Variants in GOLGA6L22 observed in about 807,000 individuals in gnomAD.
GOLGA6L22 encodes golgin subfamily A member 6-like protein 22.
Under a neutral mutation model 77.1 loss-of-function variants are expected in GOLGA6L22, and 28 were observed. The ratio of observed to expected loss-of-function variants is 0.36; its 90% CI spans 0.27 to 0.50. The LOEUF is 0.50. Ranked by LOEUF, GOLGA6L22 falls within the 20% of genes least tolerant of loss-of-function variation. The probability of loss-of-function intolerance (pLI) is 0.97; values close to 1 mark genes in which losing one functional copy is unlikely to be tolerated. For synonymous variants in GOLGA6L22, 62 were observed against 185.3 expected, an observed-to-expected ratio of 0.33 and a Z score of 5.41; for missense variants, 250 against 620.4, an observed-to-expected ratio of 0.40 and a Z score of 6.34.
chr15:22,461,966 G>T (rs1328936964), intron 2 of GOLGA6L22, 68 bp from the exon 3 acceptor site: 1 of 1,417,382 alleles, frequency 7.1e-7, no homozygotes, highest in Non-Finnish European at 9.5e-7. Context: ...GTGCCATTCT[G>T]GGGGCATGTC....
exon 8 of GOLGA6L22, chr15:22,465,960 GGCAGGAGGAGAAGATACGGGA>G (rs1290406722): frequency 1.2e-6 from 1 of 847,604 alleles, no homozygotes; most frequent in East Asian, 6.9e-5. Flanking sequence ...AAGATGTGGA[GGCAGGAGGAGAAGATACGGGA>G]GCAGGAGGAG....
chr15:22,459,001 T>A, upstream of GOLGA6L22: 1 of 81,322 alleles, frequency 1.2e-5, no homozygotes, highest in East Asian at 1.1e-4. Context: ...ATCATGCTGA[T>A]GTGGCCCCAA....
Position 22,466,583 on chromosome 15 carries a change from C to T in GOLGA6L22, c.2191C>T (p.Arg731Trp), listed in dbSNP as rs535766695. ...GATGCAAGAACAGGAGGAGAAGATG[C>T]GGAGGCAGGAGGAGAAGATAAGGGA... Residue 731 changes from arginine (R) to tryptophan (W), a missense_variant, in exon 8 of 9, where the codon CGG (arginine) becomes TGG (tryptophan). Coordinates refer to ENST00000622895, the Ensembl canonical transcript of GOLGA6L22. The T allele has an allele frequency of 7.0e-5, 80 of 1,147,852 alleles. 2 individuals carry two copies. Among genetic ancestry groups the T allele is most frequent in the Middle Eastern group, 6.5e-4 (2 of 3,098 alleles). The allele number at this position is 1,147,852 out of a possible 1,614,324, so 71.1% of individuals were successfully genotyped here. A position where few individuals can be genotyped will look rare whatever the true frequency, so the allele number is the denominator to read the frequency against.
exon 8 of GOLGA6L22, chr15:22,466,141 G>T: frequency 1.1e-6 from 1 of 930,230 alleles, no homozygotes. Flanking sequence ...AGGAGGAGAA[G>T]ATACGAGAGC....
exon 8 of GOLGA6L22, chr15:22,465,898 G>C (rs1410678297): frequency 7.9e-7 from 1 of 1,267,364 alleles, no homozygotes; most frequent in Non-Finnish European, 1.1e-6. Flanking sequence ...AAGAGAAGAT[G>C]CATGAGCAGG....
chr15:22,466,475 A>T (rs1296906333), exon 8 of GOLGA6L22: 7 of 650,660 alleles, frequency 1.1e-5, no homozygotes, highest in African/African-American at 5.0e-5. Flanking sequence ...GGAGAAGAAG[A>T]TACGGGAGCA....
intron 8 of GOLGA6L22, 61 bp downstream of exon 8, chr15:22,466,886 G>A (rs1206781930): frequency 4.5e-6 from 2 of 447,764 alleles, no homozygotes; most frequent in Non-Finnish European, 7.5e-6. Context: ...CGAGCTCTTG[G>A]GGGGAGCAGG....
rs1887591079 is a variant in GOLGA6L22 at position 22,463,656 on chromosome 15, A to G, written c.433-185A>G. On this transcript the variant is annotated intron_variant, in intron 5 of 8. Coordinates refer to ENST00000622895, the Ensembl canonical transcript of GOLGA6L22. The stretch of plus-strand genomic sequence containing the variant: ...ACAAGAATGAAACTCTGCCAAAAAA[A>G]AAAAGAAAGAAAGAAAGAAAGAAAA... 1.5e-5 allele frequency among the ~76,000 whole-genome samples: 2 copies of G among 134,430 alleles called. 1 individual carries two copies. Among genetic ancestry groups the G allele is most frequent in the Non-Finnish European group, 3.2e-5 (2 of 63,218 alleles). 88.2% of individuals were successfully genotyped at this position (134,430 alleles called of 152,430 possible).
In GOLGA6L22 at chr15:22,463,857, CAAAGG is replaced by C; in HGVS notation, c.451_455del (p.Lys151GlufsTer15). ...TATTTGCAGTACATTGAGGAGTTAA[CAAAGG>C]AGAGGGACGCCCTGAGTCTGGAACT... is the stretch of plus-strand genomic sequence containing the variant. On this transcript the variant is annotated frameshift_variant, in exon 6 of 9. Transcript: ENST00000622895. LOFTEE classifies it high-confidence loss of function. The C allele has an allele frequency of 2.4e-6, 2 of 820,772 alleles. No individual in the cohort carries two copies. The highest frequency in any genetic ancestry group is 3.3e-5 in the South Asian group (2 of 61,512). The allele number at this position is 820,772 out of a possible 1,614,324, so 50.8% of individuals were successfully genotyped here.
At chr15:22,467,357 C>T in intron 8 of GOLGA6L22, 125 bp from the exon 9 acceptor site, 1 of 7,108 alleles carries the variant, frequency 1.4e-4, no homozygotes, top group Non-Finnish European at 2.6e-4. Flanking sequence ...CAGGGCGAAG[C>T]GGTGGCCGAG....
exon 8 of GOLGA6L22, chr15:22,465,373 G>A (rs780446417): frequency 1.7e-5 from 7 of 413,614 alleles, no homozygotes; most frequent in South Asian, 1.2e-4. Context: ...AGCAGGAGAA[G>A]ATACGGGAGC....
intron 7 of GOLGA6L22, among the ~76,000 whole-genome samples, chr15:22,464,630 C>A: frequency 9.1e-6 from 1 of 109,538 alleles, no homozygotes; most frequent in Non-Finnish European, 1.8e-5. Flanking sequence ...TTATAGATTA[C>A]ATTTATTTAT....
exon 9 of GOLGA6L22, chr15:22,468,701 AT>A (rs546018420): frequency 7.8e-5 from 1 of 12,784 alleles, no homozygotes. Context: ...TGCCTGGCTA[AT>A]TTTTTTTTAT....
At chr15:22,465,879 G>C in exon 8 of GOLGA6L22, 2 of 1,073,804 alleles carry the variant, frequency 1.9e-6, no homozygotes, top group South Asian at 1.5e-5. Context: ...GAGGAGATGT[G>C]GAGGGAGGAA....
chr15:22,466,876 C>T lies in GOLGA6L22; in HGVS notation c.*51C>T, dbSNP rs1182584671. On this transcript the variant is annotated intron_variant, in intron 8 of 8. Coordinates refer to ENST00000622895, the Ensembl canonical transcript of GOLGA6L22. Reference sequence around the variant, plus strand: ...GGCTGGGGAAGCTGGGGCAGAAGGCCGAGCTCTTGGGGGGAGCAGGCGGAG... The same window carrying T: ...GGCTGGGGAAGCTGGGGCAGAAGGCTGAGCTCTTGGGGGGAGCAGGCGGAG... 1.3e-3 allele frequency: 608 copies of T among 453,344 alleles called. 12 individuals carry two copies. In the African/African-American group the frequency reaches 0.031, roughly 23 times the overall value. The allele number at this position is 453,344 out of a possible 1,614,324, so 28.1% of individuals were successfully genotyped here.
chr15:22,465,850 G>T, exon 8 of GOLGA6L22: 1 of 1,429,480 alleles, frequency 7.0e-7, no homozygotes, highest in Non-Finnish European at 9.3e-7. Context: ...GGGAGCAGGA[G>T]GAGAAGATAC....
rs1158555832 is a variant in GOLGA6L22, at chr15:22,465,743, C to G, written c.1351C>G (p.Gln451Glu). Reference sequence around the variant, plus strand: ...CGACCAGGAGGAGAAGATACGGGAGCAGGAGGAGAAGGTGTGGAGGCAGGA... The same window carrying G: ...CGACCAGGAGGAGAAGATACGGGAGGAGGAGGAGAAGGTGTGGAGGCAGGA... Residue 451 changes from glutamine to glutamate, a missense_variant, in exon 8 of 9, where the codon CAG (glutamine) becomes GAG (glutamate). Coordinates refer to ENST00000622895, the Ensembl canonical transcript of GOLGA6L22. The G allele has an allele frequency of 2.5e-5, 33 of 1,298,110 alleles. 2 individuals are homozygous for G. The highest frequency in any genetic ancestry group is 3.4e-5 in the Non-Finnish European group (33 of 979,840). The allele number at this position is 1,298,110 out of a possible 1,614,324, so 80.4% of individuals were successfully genotyped here.
chr15:22,465,757 GT>G lies in GOLGA6L22; in HGVS notation c.1366del (p.Trp456GlyfsTer108), dbSNP rs1207693424. ...AGATACGGGAGCAGGAGGAGAAGGT[GT>G]GGAGGCAGGAGGAGAAGATACGGGA... On this transcript the variant is annotated frameshift_variant, in exon 8 of 9. Coordinates refer to ENST00000622895, the Ensembl canonical transcript of GOLGA6L22. LOFTEE classifies it high-confidence loss of function. 2 of 1,375,696 alleles carry G rather than the reference GT, an allele frequency of 1.5e-6. No homozygotes were observed. The highest frequency in any genetic ancestry group is 2.2e-5 in the African/African-American group (1 of 44,460). The allele number at this position is 1,375,696 out of a possible 1,614,324, so 85.2% of individuals were successfully genotyped here.
chr15:22,465,583 G>T, exon 8 of GOLGA6L22: 1 of 523,614 alleles, frequency 1.9e-6, no homozygotes, highest in South Asian at 2.0e-5. Context: ...GGCAGGAGCA[G>T]GAGGAGATGT....
Sources: gnomAD v4.1 joint callset for allele counts (sites outside exome capture counted in the v4.1 genomes callset) on GRCh38, gnomAD v4.1.1 for gene constraint, MANE v1.5 for transcripts, NCBI Gene and HGNC (gene_info 2026-07-23, HGNC 2026-07-21) for gene names.